TMEM196: variants seen among roughly 807,000 people sequenced by gnomAD.
TMEM196 encodes the protein transmembrane protein 196.
Under a neutral mutation model 20.0 loss-of-function variants are expected in TMEM196, and 17 were observed. That is an observed-to-expected ratio of 0.85 (90% CI 0.58 to 1.27). TMEM196 has a LOEUF of 1.27. Ranked by LOEUF, TMEM196 falls within the 50% of genes most tolerant of loss-of-function variation. The probability of loss-of-function intolerance (pLI) is 0.00; values close to 1 mark genes in which losing one functional copy is unlikely to be tolerated. For synonymous variants in TMEM196, 113 were observed against 88.9 expected (o/e 1.27, Z -1.52); for missense variants, 267 against 223.0 (o/e 1.20, Z -1.26).
At chr7:19,766,850 G>T (rs745510093) in intron 1 of TMEM196, among the ~76,000 whole-genome samples, 6 of 151,994 alleles carry the variant, frequency 3.9e-5, no homozygotes, top group African/African-American at 7.2e-5. Context: ...ATACAAAAAA[G>T]TTAGATAGTT....
chr7:19,722,262 A>T, intron 4 of TMEM196, 128 bp from the exon 5 acceptor site: 1 of 698,174 alleles, frequency 1.4e-6, no homozygotes, highest in Non-Finnish European at 2.4e-6. Context: ...AAAGACAAGG[A>T]TATTGCTGTT....
intron 1 of TMEM196, among the ~76,000 whole-genome samples, chr7:19,758,982 G>T (rs553677457): frequency 6.6e-6 from 1 of 152,156 alleles, no homozygotes; most frequent in East Asian, 1.9e-4. Context: ...CCTACTCAAA[G>T]ACTTTTTCTC....
chr7:19,724,318 G>C lies in TMEM196; in HGVS notation c.495C>G (p.Ser165Arg). Residue 165 changes from serine to arginine, a missense_variant, in exon 4 of 5, where the codon AGC (serine) becomes AGG (arginine). Ser to Arg is a moderately radical substitution (Grantham distance 110). Transcript: ENST00000405844. ...LRAIEITDLPSCPVVPPTPEL... is the reference protein window; with the variant it reads ...LRAIEITDLPRCPVVPPTPEL... ...CTGGTGTCGGGGGCACCACCGGGCA[G>C]CTGGGCAAGTCGGTTATTTCAATAG... 1 of 1,550,378 alleles carries C rather than the reference G, an allele frequency of 6.5e-7. No homozygotes were observed. The highest frequency in any genetic ancestry group is 8.7e-7 in the Non-Finnish European group (1 of 1,146,862).
At chr7:19,761,282 T>C (rs1460511198) in intron 1 of TMEM196, among the ~76,000 whole-genome samples, 3 of 152,244 alleles carry the variant, frequency 2.0e-5, no homozygotes, top group Non-Finnish European at 2.9e-5. Flanking sequence ...CTGCTAATTA[T>C]GCAATGTTCT....
At chr7:19,764,545 C>G (rs771233383) in intron 1 of TMEM196, among the ~76,000 whole-genome samples, 12 of 152,126 alleles carry the variant, frequency 7.9e-5, no homozygotes, top group African/African-American at 1.9e-4. Flanking sequence ...CACACTTTTC[C>G]TCCTCTGCCC....
At position 19,725,609 on chromosome 7, in the gene TMEM196, AAG is replaced by A. The variant is rs1783970731; in HGVS notation, c.362_363del (p.Ser121PhefsTer11). The A allele has an allele frequency of 1.2e-6, 2 of 1,613,962 alleles. No individual in the cohort carries two copies. Among genetic ancestry groups the A allele is most frequent in the Non-Finnish European group, 1.7e-6 (2 of 1,180,010 alleles). On this transcript the variant is annotated frameshift_variant, in exon 3 of 5. Transcript: ENST00000405844. LOFTEE classifies it high-confidence loss of function. ...ACIGIGGCTLSSWLTCRLASY... is the reference protein window; with the variant it reads ...ACIGIGGCTLXSWLTCRLASY... ...CTGGCTAGTCGACAAGTGAGCCAGG[AAG>A]AGAGAGTGCAGCCCCCGATCCCAAT...
At chr7:19,772,448 GT>G in intron 1 of TMEM196, 101 bp downstream of exon 1, 9 of 1,291,358 alleles carry the variant, frequency 7.0e-6, no homozygotes, top group Non-Finnish European at 9.1e-6. Flanking sequence ...CTATGATTTT[GT>G]TTCCCAGGGA....
intron 1 of TMEM196, among the ~76,000 whole-genome samples, chr7:19,759,279 T>C (rs982314400): frequency 2.0e-5 from 3 of 152,216 alleles, no homozygotes; most frequent in Admixed American, 2.0e-4. Flanking sequence ...GCCTTCATTT[T>C]ACAAGGAAGT....
intron 1 of TMEM196, among the ~76,000 whole-genome samples, chr7:19,769,545 C>T (rs1583466242): frequency 1.3e-5 from 2 of 152,056 alleles, no homozygotes; most frequent in East Asian, 3.9e-4. Flanking sequence ...TTCTCATGCC[C>T]TCCACTGCCA....
rs12673970 is a variant in TMEM196 at position 19,773,395 on chromosome 7, T to C, written c.-699A>G. On this transcript the variant is annotated 5_prime_UTR_variant, in exon 1 of 5. Coordinates refer to ENST00000405844, the MANE Select transcript of TMEM196 (RefSeq NM_001363562.2). ...TCCCTCGTCGTCGTCCTCTTCCTCC[T>C]CCTTTCTCTCGAGCTGATTCTCTTT... 0.26 allele frequency: 41,176 copies of C among 160,320 alleles called. 6,986 individuals are homozygous for C. Among genetic ancestry groups the C allele is most frequent in the East Asian group, 0.62 (3,208 of 5,166 alleles). 9.9% of individuals were successfully genotyped at this position (160,320 alleles called of 1,614,324 possible).
At chr7:19,753,886 C>T (rs541993651) in intron 1 of TMEM196, among the ~76,000 whole-genome samples, 6 of 152,322 alleles carry the variant, frequency 3.9e-5, no homozygotes, top group African/African-American at 7.2e-5. Flanking sequence ...TATCTCTCCT[C>T]CTCTCTTTTC....
intron 1 of TMEM196, among the ~76,000 whole-genome samples, chr7:19,759,004 AT>A (rs538704237): frequency 3.7e-4 from 57 of 152,056 alleles, no homozygotes; most frequent in Non-Finnish European, 6.6e-4. Flanking sequence ...TTACATATTT[AT>A]TTTTTTCCCT....
intron 1 of TMEM196, among the ~76,000 whole-genome samples, chr7:19,762,838 T>C (rs1306633183): frequency 6.6e-6 from 1 of 152,218 alleles, no homozygotes; most frequent in African/African-American, 2.4e-5. Flanking sequence ...ATGGAAGTTA[T>C]GTTCTTCCCA....
chr7:19,740,013 A>T (rs1361260255), intron 1 of TMEM196, among the ~76,000 whole-genome samples: 2 of 152,168 alleles, frequency 1.3e-5, no homozygotes. Context: ...CCCACAAGTG[A>T]GAAGTTATCC....
rs1235811191 is a variant in TMEM196, at chr7:19,772,803, CTT to C, written c.-109_-108del. 2.6e-5 allele frequency: 30 copies of C among 1,134,816 alleles called. No homozygotes were observed. Among genetic ancestry groups the C allele is most frequent in the Non-Finnish European group, 3.3e-5 (29 of 876,762 alleles). 70.3% of individuals were successfully genotyped at this position (1,134,816 alleles called of 1,614,324 possible). On this transcript the variant is annotated 5_prime_UTR_variant, in exon 1 of 5. Coordinates refer to ENST00000405844, the MANE Select transcript of TMEM196 (RefSeq NM_001363562.2). ...TTCCACCCCCTACCAGATCCCAAAA[CTT>C]TTCTTTCTTCAAGAGCGAGGCATTA...
chr7:19,765,840 C>G (rs888487202), intron 1 of TMEM196, among the ~76,000 whole-genome samples: 7 of 152,030 alleles, frequency 4.6e-5, no homozygotes, highest in Non-Finnish European at 1.0e-4. Flanking sequence ...TAAATCAAAA[C>G]CTAACTAGAT....
intron 1 of TMEM196, among the ~76,000 whole-genome samples, chr7:19,765,440 T>A (rs553741619): frequency 2.4e-4 from 36 of 152,306 alleles, no homozygotes; most frequent in African/African-American, 8.7e-4. Context: ...TAATACATCA[T>A]GTAATAAACA....
rs1197180290 is a variant in TMEM196, at chr7:19,719,934, G to T, written c.*2194C>A. The T allele has an allele frequency of 6.6e-6, 1 of 151,954 alleles. No homozygotes were observed. The highest frequency in any genetic ancestry group is 2.4e-5 in the African/African-American group (1 of 41,400). The allele number at this position is 151,954 out of a possible 1,614,324, so 9.4% of individuals were successfully genotyped here. On this transcript the variant is annotated 3_prime_UTR_variant, in exon 5 of 5. Transcript: ENST00000405844. ...GTTATGTTATAGATCAGTTCAAAAG[G>T]CATTACAACATTTTTCTGATGTATT... is the stretch of plus-strand genomic sequence containing the variant.
chr7:19,772,461 G>T, intron 1 of TMEM196, 89 bp downstream of exon 1: 1 of 1,343,062 alleles, frequency 7.4e-7, no homozygotes. Flanking sequence ...TCCCAGGGAG[G>T]GAGTGACTAA....
Sources: gnomAD v4.1 joint callset for allele counts (sites outside exome capture counted in the v4.1 genomes callset) on GRCh38, gnomAD v4.1.1 for gene constraint, MANE v1.5 for transcripts, NCBI Gene and HGNC (gene_info 2026-07-23, HGNC 2026-07-21) for gene names.